CTNNA3: variants seen among roughly 807,000 people sequenced by gnomAD.
CTNNA3 encodes the protein catenin alpha 3, also known as catenin alpha-3.
Under a neutral mutation model 95.7 loss-of-function variants are expected in CTNNA3, and 76 were observed. The ratio of observed to expected loss-of-function variants is 0.79; its 90% confidence interval spans 0.66 to 0.96. The LOEUF (loss-of-function observed/expected upper bound fraction) is 0.96, where lower values mean the gene tolerates loss of function less well. Among genes scored for constraint, CTNNA3 ranks in the 40% least tolerant of loss-of-function variants. The pLI is 0.00. For missense variants in CTNNA3, 1,191 were observed against 1,089.8 expected (o/e 1.09, Z -1.31); for synonymous variants, 431 against 374.4 (o/e 1.15, Z -1.74).
intron 6 of CTNNA3, among the ~76,000 whole-genome samples, chr10:67,212,581 T>C (rs908672482): frequency 3.3e-5 from 5 of 151,944 alleles, no homozygotes; most frequent in African/African-American, 1.2e-4. Context: ...AACTATGAAG[T>C]TTACTGTAGA....
chr10:66,232,321 G>C (rs1417506720), intron 13 of CTNNA3, among the ~76,000 whole-genome samples: 1 of 152,038 alleles, frequency 6.6e-6, no homozygotes, highest in African/African-American at 2.4e-5. Flanking sequence ...AAGGATTTCA[G>C]TTCTCTTAAG....
At position 67,727,895 on chromosome 10, in the gene CTNNA3, A is replaced by G. The variant is rs183555503; in HGVS notation, c.-2+35539T>C. Among the ~76,000 whole-genome samples, 444 of 132,748 alleles carry G rather than the reference A, an allele frequency of 3.3e-3. 2 individuals carry two copies. Among genetic ancestry groups the G allele is most frequent in the Non-Finnish European group, 5.9e-3 (384 of 65,170 alleles). The allele number at this position is 132,748 out of a possible 152,430, so 87.1% of individuals were successfully genotyped here. ...TATAGTATATATCACATATTATATT[A>G]TGTATAATATATTATGTATATTATA... On this transcript the variant is annotated intron_variant, in intron 1 of 17. Coordinates refer to the CTNNA3 transcript ENST00000684154.
chr10:66,988,053 A>C (rs1850833056), intron 7 of CTNNA3, among the ~76,000 whole-genome samples: 1 of 152,112 alleles, frequency 6.6e-6, no homozygotes, highest in African/African-American at 2.4e-5. Flanking sequence ...TTTGTCAATA[A>C]TTTATTATTC....
At chr10:66,895,009 T>C (rs560615948) in intron 7 of CTNNA3, among the ~76,000 whole-genome samples, 40 of 145,794 alleles carry the variant, frequency 2.7e-4, no homozygotes, top group Admixed American at 2.2e-3. Flanking sequence ...TTATATATAA[T>C]TGTGCCATTG....
Position 66,136,124 on chromosome 10 carries a change from G to T in CTNNA3, c.1885-32875C>A, listed in dbSNP as rs141004976. ...TCACCATGTTAGCCAGGATGGTCTC[G>T]ATCTCCTGACCTTGTGATCCGTCCT... On this transcript the variant is annotated intron_variant, in intron 13 of 17. Coordinates refer to ENST00000433211, the MANE Select transcript of CTNNA3 (RefSeq NM_013266.4). Among the ~76,000 whole-genome samples, 1,004 of 152,112 alleles carry T rather than the reference G, an allele frequency of 6.6e-3. 7 individuals carry two copies. Among genetic ancestry groups the T allele is most frequent in the African/African-American group, 0.023 (938 of 41,490 alleles).
chr10:66,617,105 C>T (rs1876306), intron 10 of CTNNA3, among the ~76,000 whole-genome samples: 116,049 of 151,770 alleles, frequency 0.76, 45,565 homozygotes, highest in African/African-American at 0.93. Flanking sequence ...GATCAAATCA[C>T]TGACTTCATG....
chr10:67,107,467 TAAATC>T (rs1328964957), intron 7 of CTNNA3, among the ~76,000 whole-genome samples: 2 of 152,228 alleles, frequency 1.3e-5, no homozygotes, highest in African/African-American at 2.4e-5. Context: ...TTATGTGAAT[TAAATC>T]AAACAACTTT....
At chr10:66,719,133 C>T (rs1056666368) in intron 9 of CTNNA3, among the ~76,000 whole-genome samples, 1 of 152,110 alleles carries the variant, frequency 6.6e-6, no homozygotes, top group Non-Finnish European at 1.5e-5. Context: ...TGTGATCTTA[C>T]GAACTTTGTT....
intron 5 of CTNNA3, among the ~76,000 whole-genome samples, chr10:67,473,224 T>C (rs78029686): frequency 0.01 from 1,591 of 152,284 alleles, 28 homozygotes; most frequent in African/African-American, 0.036. Flanking sequence ...AGATAAAATG[T>C]CTCAAGCCCT....
chr10:67,617,725 G>C (rs182364129), intron 2 of CTNNA3, among the ~76,000 whole-genome samples: 2 of 150,072 alleles, frequency 1.3e-5, no homozygotes, highest in Non-Finnish European at 3.0e-5. Flanking sequence ...CACCAACAGC[G>C]TATAAGCATT....
intron 15 of CTNNA3, among the ~76,000 whole-genome samples, chr10:66,042,854 C>T (rs1473926681): frequency 1.6e-5 from 2 of 123,776 alleles, no homozygotes; most frequent in Non-Finnish European, 3.2e-5. Context: ...GAGCCGAGAT[C>T]GCTCTATTGT....
At chr10:65,967,011 C>T (rs2077983485) in intron 16 of CTNNA3, among the ~76,000 whole-genome samples, 1 of 152,138 alleles carries the variant, frequency 6.6e-6, no homozygotes, top group Admixed American at 6.5e-5. Context: ...GGCTGGAGTG[C>T]AGTGGCAAGA....
chr10:67,290,642 T>A (rs1369918737), intron 5 of CTNNA3, among the ~76,000 whole-genome samples: 1 of 152,132 alleles, frequency 6.6e-6, no homozygotes, highest in Admixed American at 6.6e-5. Context: ...AGGTAAGAAA[T>A]GTGACCAAGG....
chr10:67,653,661 T>C (rs1186376273), intron 1 of CTNNA3, among the ~76,000 whole-genome samples: 1 of 152,176 alleles, frequency 6.6e-6, no homozygotes, highest in Admixed American at 6.5e-5. Flanking sequence ...AATCTGAAAT[T>C]GTTGAAATTT....
At chr10:66,104,500 G>C (rs1024476028) in intron 13 of CTNNA3, among the ~76,000 whole-genome samples, 3 of 152,102 alleles carry the variant, frequency 2.0e-5, no homozygotes, top group Non-Finnish European at 4.4e-5. Flanking sequence ...TTACACAGAT[G>C]AAATGCATGA....
intron 7 of CTNNA3, among the ~76,000 whole-genome samples, chr10:66,992,320 T>C (rs1182108870): frequency 6.6e-6 from 1 of 152,154 alleles, no homozygotes; most frequent in African/African-American, 2.4e-5. Flanking sequence ...TGCACTTCTG[T>C]AAATCAACTG....
intron 11 of CTNNA3, among the ~76,000 whole-genome samples, chr10:66,465,294 A>T: frequency 6.6e-6 from 1 of 152,120 alleles, no homozygotes; most frequent in East Asian, 1.9e-4. Context: ...AGTGTCCTTA[A>T]AGGGAAGAAA....
At chr10:67,024,948 A>G (rs771541804) in intron 7 of CTNNA3, among the ~76,000 whole-genome samples, 1 of 151,914 alleles carries the variant, frequency 6.6e-6, no homozygotes, top group Non-Finnish European at 1.5e-5. Context: ...CTGACCAACA[A>G]GAAGACACCC....
intron 12 of CTNNA3, among the ~76,000 whole-genome samples, chr10:66,349,042 G>T (rs1414606711): frequency 6.6e-6 from 1 of 152,026 alleles, no homozygotes; most frequent in African/African-American, 2.4e-5. Flanking sequence ...CGGAAAAGTT[G>T]ATGGGATATA....
Sources: gnomAD v4.1 joint callset for allele counts (sites outside exome capture counted in the v4.1 genomes callset) on GRCh38, gnomAD v4.1.1 for gene constraint, MANE v1.5 for transcripts, NCBI Gene and HGNC (gene_info 2026-07-23, HGNC 2026-07-21) for gene names.